PLEKHA2: variants seen among roughly 807,000 people sequenced by gnomAD.
PLEKHA2 encodes the protein pleckstrin homology domain containing A2.
Under a neutral mutation model 53.2 loss-of-function variants are expected in PLEKHA2, and 28 were observed. The observed-to-expected ratio is 0.53, with a 90% CI of 0.39 to 0.72. PLEKHA2 has a LOEUF of 0.72. Among genes scored for constraint, PLEKHA2 ranks in the 30% least tolerant of loss-of-function variants. PLEKHA2 has a pLI of 0.00. For synonymous variants in PLEKHA2, 193 were observed against 196.4 expected (o/e 0.98, Z 0.14); for missense variants, 426 against 537.9 (o/e 0.79, Z 2.06).
At chr8:38,908,075 G>A (rs1833904445) in intron 1 of PLEKHA2, among the ~76,000 whole-genome samples, 1 of 152,140 alleles carries the variant, frequency 6.6e-6, no homozygotes, top group South Asian at 2.1e-4. Flanking sequence ...AAACTCCACT[G>A]GGCGTTCCTG....
chr8:38,921,494 A>G (rs2152369907), intron 2 of PLEKHA2, among the ~76,000 whole-genome samples: 1 of 152,308 alleles, frequency 6.6e-6, no homozygotes, highest in East Asian at 1.9e-4. Flanking sequence ...CCATCTTGGA[A>G]CTTGAATATT....
At chr8:38,932,557 C>G (rs925918446) in intron 2 of PLEKHA2, among the ~76,000 whole-genome samples, 1 of 152,204 alleles carries the variant, frequency 6.6e-6, no homozygotes, top group Non-Finnish European at 1.5e-5. Context: ...TCTTGGCCTT[C>G]CTGCCCTGAC....
chr8:38,950,919 G>A lies in PLEKHA2; in HGVS notation c.415G>A (p.Glu139Lys). 1.9e-6 allele frequency: 3 copies of A among 1,614,018 alleles called. No homozygotes were observed. Among genetic ancestry groups the A allele is most frequent in the Non-Finnish European group, 2.5e-6 (3 of 1,179,892 alleles). ...GAGCTTAGCAGCTCCTCCAGCCCTG[G>A]AGAAGAAGCCACAGGTGGCCTACAA... ...LKSLAAPPAL[E>K]KKPQVAYKTE... The change falls in exon 6 of 12, where the codon GAG becomes AAG. Residue 139 changes from glutamate to lysine, a missense_variant. Coordinates refer to ENST00000617275, the MANE Select transcript of PLEKHA2 (RefSeq NM_021623.2).
At chr8:38,917,562 G>A (rs1588238393) in intron 1 of PLEKHA2, among the ~76,000 whole-genome samples, 1 of 152,168 alleles carries the variant, frequency 6.6e-6, no homozygotes, top group Non-Finnish European at 1.5e-5. Context: ...TGAGGCACAC[G>A]AAGGTTAAAT....
At chr8:38,968,922 G>A (rs541084023) in intron 11 of PLEKHA2, 28 of 420,794 alleles carry the variant, frequency 6.7e-5, no homozygotes, top group African/African-American at 4.9e-4. Flanking sequence ...TTTTTGAGAC[G>A]GAGTCTCACT....
chr8:38,951,103 C>A (rs572962785), intron 6 of PLEKHA2, 113 bp downstream of exon 6: 2 of 834,996 alleles, frequency 2.4e-6, no homozygotes, highest in African/African-American at 1.7e-5. Flanking sequence ...GAGTGGGGGG[C>A]AGCTGGTGCC....
chr8:38,914,745 C>G (rs1303784623), intron 1 of PLEKHA2, among the ~76,000 whole-genome samples: 1 of 152,210 alleles, frequency 6.6e-6, no homozygotes, highest in Non-Finnish European at 1.5e-5. Context: ...AGGGGCCAAT[C>G]TTCGTTGGGG....
In PLEKHA2 at chr8:38,957,374, C is replaced by T. The variant is rs1406595237; in HGVS notation, c.825C>T (p.Thr275=). 4 of 1,612,616 alleles carry T rather than the reference C, an allele frequency of 2.5e-6. No individual in the cohort carries two copies. The East Asian group carries it at 8.9e-5, about 36-fold the overall frequency. The stretch of plus-strand genomic sequence containing the variant: ...TTGAAATAATAACAAGCTCCAGGAC[C>T]TTCTACGTACAGGTAAAATGCTCCC... The part of the protein sequence containing the change: ...NLFEIITSSR[T]FYVQADSPED... The change falls in exon 10 of 12, where the codon ACC becomes ACT. Residue 275 remains threonine, a synonymous_variant. Transcript: ENST00000617275.
chr8:38,908,067 A>G (rs1833904354), intron 1 of PLEKHA2, among the ~76,000 whole-genome samples: 1 of 151,900 alleles, frequency 6.6e-6, no homozygotes, highest in Admixed American at 6.6e-5. Flanking sequence ...AAGAAGGAAA[A>G]CTCCACTGGG....
At chr8:38,954,598 T>G (rs1187484583) in intron 9 of PLEKHA2, among the ~76,000 whole-genome samples, 1 of 152,194 alleles carries the variant, frequency 6.6e-6, no homozygotes, top group African/African-American at 2.4e-5. Flanking sequence ...AGGAAGGTCC[T>G]TAGGGCTCTG....
At chr8:38,927,139 A>G (rs1057181456) in intron 2 of PLEKHA2, among the ~76,000 whole-genome samples, 13 of 152,262 alleles carry the variant, frequency 8.5e-5, no homozygotes, top group African/African-American at 3.1e-4. Context: ...TTTGCTTTAC[A>G]TTTTAACCTT....
chr8:38,908,128 C>T (rs922535744), intron 1 of PLEKHA2, among the ~76,000 whole-genome samples: 1 of 152,178 alleles, frequency 6.6e-6, no homozygotes, highest in African/African-American at 2.4e-5. Context: ...TTTCAAGGTA[C>T]AGCTCATGTG....
chr8:38,923,227 CAT>C (rs1452614643), intron 2 of PLEKHA2, among the ~76,000 whole-genome samples: 3 of 152,184 alleles, frequency 2.0e-5, no homozygotes, highest in African/African-American at 7.2e-5. Flanking sequence ...GGTGGAGTCT[CAT>C]ATGGAAAGTT....
At chr8:38,935,054 C>T (rs551987811) in intron 2 of PLEKHA2, among the ~76,000 whole-genome samples, 2 of 152,186 alleles carry the variant, frequency 1.3e-5, no homozygotes, top group East Asian at 1.9e-4. Flanking sequence ...TGCTCTGTCA[C>T]CCAGGCTGGA....
intron 4 of PLEKHA2, among the ~76,000 whole-genome samples, chr8:38,944,047 A>G (rs1417648166): frequency 1.3e-5 from 2 of 152,152 alleles, no homozygotes; most frequent in East Asian, 3.8e-4. Flanking sequence ...TTCAGGGACT[A>G]GTAACATTTC....
intron 5 of PLEKHA2, 152 bp from the exon 6 acceptor site, chr8:38,950,698 A>G: frequency 3.5e-6 from 3 of 845,524 alleles, no homozygotes; most frequent in Non-Finnish European, 5.3e-6. Flanking sequence ...GCTCATATTC[A>G]GATTTGGACT....
At position 38,940,659 on chromosome 8, in the gene PLEKHA2, G is replaced by C. The variant is rs1365472872; in HGVS notation, c.199-3130G>C. Among the ~76,000 whole-genome samples the C allele has an allele frequency of 1.2e-4, 12 of 100,556 alleles. No individual in the cohort carries two copies. In the South Asian group the frequency reaches 2.0e-3, roughly 17 times the overall value. 66.0% of individuals were successfully genotyped at this position (100,556 alleles called of 152,430 possible). A position where few individuals can be genotyped will look rare whatever the true frequency, so the allele number is the denominator to read the frequency against. On this transcript the variant is annotated intron_variant, in intron 3 of 11. Transcript: ENST00000617275. ...GTCCAGATTGAAGGGGCGGGGGGGG[G>C]GGGTCAGAAACCCAGGAAGCAAGAT...
chr8:38,972,492 C>T lies in PLEKHA2; in HGVS notation c.*2709C>T, dbSNP rs767943401. 6.6e-6 allele frequency: 1 copy of T among 152,176 alleles called. No homozygotes were observed. The highest frequency in any genetic ancestry group is 1.5e-5 in the Non-Finnish European group (1 of 68,032). 9.4% of individuals were successfully genotyped at this position (152,176 alleles called of 1,614,324 possible). Reference sequence around the variant, plus strand: ...GAGCCACTGCACCTAGCCAGAACATCGTTAATGTAGTTCAATATGAGATAA... The same window carrying T: ...GAGCCACTGCACCTAGCCAGAACATTGTTAATGTAGTTCAATATGAGATAA... On this transcript the variant is annotated 3_prime_UTR_variant, in exon 12 of 12. Transcript: ENST00000617275.
At chr8:38,952,461 C>T (rs1391415360) in intron 7 of PLEKHA2, 149 bp downstream of exon 7, 4 of 1,350,516 alleles carry the variant, frequency 3.0e-6, no homozygotes, top group Non-Finnish European at 4.0e-6. Flanking sequence ...TTGGGACTGA[C>T]CTTTGGCTCC....
Sources: gnomAD v4.1 joint callset for allele counts (sites outside exome capture counted in the v4.1 genomes callset) on GRCh38, gnomAD v4.1.1 for gene constraint, MANE v1.5 for transcripts, NCBI Gene and HGNC (gene_info 2026-07-23, HGNC 2026-07-21) for gene names.